The following CACNA2D1 variants were observed in gnomAD, a reference collection of about 807,000 sequenced individuals.
CACNA2D1 encodes calcium voltage-gated channel auxiliary subunit alpha2delta 1.
Under a neutral mutation model 171.5 loss-of-function variants are expected in CACNA2D1, and 53 were observed. That is an observed-to-expected ratio of 0.31 (90% confidence interval 0.25 to 0.39). The LOEUF is 0.39. Ranked by LOEUF, CACNA2D1 falls within the 10% of genes least tolerant of loss-of-function variation. The probability of loss-of-function intolerance (pLI) is 1.00; values close to 1 mark genes in which losing one functional copy is unlikely to be tolerated. For missense variants in CACNA2D1, 903 were observed against 1,299.8 expected (o/e 0.69, Z 4.69); for synonymous variants, 442 against 443.1 (o/e 1.00, Z 0.03).
intron 3 of CACNA2D1, among the ~76,000 whole-genome samples, chr7:82,276,181 T>C (rs1809295703): frequency 6.6e-6 from 1 of 152,242 alleles, no homozygotes; most frequent in Non-Finnish European, 1.5e-5. Flanking sequence ...TGGACACTTG[T>C]CACAGTTTTA....
At chr7:82,046,787 T>G (rs1354349473) in intron 10 of CACNA2D1, among the ~76,000 whole-genome samples, 2 of 152,112 alleles carry the variant, frequency 1.3e-5, no homozygotes, top group Admixed American at 1.3e-4. Context: ...TAAATGTAAA[T>G]CATCATTCAT....
intron 3 of CACNA2D1, among the ~76,000 whole-genome samples, chr7:82,296,913 T>C (rs780002629): frequency 6.6e-6 from 1 of 151,476 alleles, no homozygotes; most frequent in Admixed American, 6.6e-5. Context: ...AATGTCAGGG[T>C]TTAGGATACT....
In CACNA2D1 at chr7:82,005,915, T is replaced by C. The variant is rs181696791; in HGVS notation, c.1441-76A>G. ...TTTACACAATTATCATATGATCATC[T>C]TTTGCTTGCATTATGGTTATATTCC... On this transcript the variant is annotated intron_variant, in intron 16 of 38. Coordinates refer to ENST00000356860, the MANE Select transcript of CACNA2D1 (RefSeq NM_000722.4). 6.9e-5 allele frequency: 61 copies of C among 878,306 alleles called. No individual in the cohort carries two copies. In the African/African-American group the frequency reaches 8.7e-4, roughly 13 times the overall value. 54.4% of individuals were successfully genotyped at this position (878,306 alleles called of 1,614,324 possible).
intron 4 of CACNA2D1, among the ~76,000 whole-genome samples, chr7:82,150,229 C>T (rs1233155814): frequency 1.4e-5 from 2 of 146,018 alleles, no homozygotes; most frequent in African/African-American, 5.1e-5. Context: ...TTTGGTGTTT[C>T]CACTAACTGC....
At chr7:82,414,657 C>A (rs1240802156) in intron 1 of CACNA2D1, among the ~76,000 whole-genome samples, 1 of 152,186 alleles carries the variant, frequency 6.6e-6, no homozygotes, top group Non-Finnish European at 1.5e-5. Flanking sequence ...ATTCAGGCTA[C>A]AAGTGATTCT....
At chr7:82,011,918 C>G (rs1216728364) in intron 15 of CACNA2D1, 4 of 429,714 alleles carry the variant, frequency 9.3e-6, no homozygotes, top group Non-Finnish European at 1.7e-5. Flanking sequence ...ATTCTACATT[C>G]CCAATGAAGG....
rs576865706 is a variant in CACNA2D1, at chr7:82,015,566, T to C, written c.1144-1087A>G. Among the ~76,000 whole-genome samples the C allele has an allele frequency of 1.5e-4, 23 of 152,254 alleles. No homozygotes were observed. The East Asian group carries it at 3.7e-3, about 24-fold the overall frequency. On this transcript the variant is annotated intron_variant, in intron 12 of 38. Transcript: ENST00000356860. Reference sequence around the variant, plus strand: ...TACTTAATAAAATTATTTTTACATATATATTGATTTTTACTAATTTAGTAA... The same window carrying C: ...TACTTAATAAAATTATTTTTACATACATATTGATTTTTACTAATTTAGTAA...
chr7:81,992,753 T>C (rs1187660834), intron 20 of CACNA2D1, among the ~76,000 whole-genome samples: 1 of 152,194 alleles, frequency 6.6e-6, no homozygotes, highest in African/African-American at 2.4e-5. Context: ...AGTCAAGAAA[T>C]CTATTTTTCA....
At chr7:82,228,343 G>C (rs1371051688) in intron 3 of CACNA2D1, among the ~76,000 whole-genome samples, 1 of 152,096 alleles carries the variant, frequency 6.6e-6, no homozygotes, top group African/African-American at 2.4e-5. Flanking sequence ...GCTGCCTGGT[G>C]AGACCTTGAG....
At chr7:82,094,968 A>G (rs1563038833) in intron 6 of CACNA2D1, among the ~76,000 whole-genome samples, 2 of 152,084 alleles carry the variant, frequency 1.3e-5, no homozygotes, top group African/African-American at 4.8e-5. Flanking sequence ...TCTACTTGGC[A>G]AATGTCTTCC....
At chr7:82,199,715 A>G (rs1440636032) in intron 3 of CACNA2D1, among the ~76,000 whole-genome samples, 4 of 152,046 alleles carry the variant, frequency 2.6e-5, no homozygotes, top group Admixed American at 2.0e-4. Flanking sequence ...CTACTCATAG[A>G]TATATAACCT....
At chr7:82,148,187 T>C (rs1412451911) in intron 4 of CACNA2D1, among the ~76,000 whole-genome samples, 1 of 152,160 alleles carries the variant, frequency 6.6e-6, no homozygotes, top group Non-Finnish European at 1.5e-5. Flanking sequence ...TCAGCTCGGA[T>C]AGTGCATTAT....
At chr7:82,423,271 C>A (rs1828886081) in intron 1 of CACNA2D1, among the ~76,000 whole-genome samples, 1 of 152,064 alleles carries the variant, frequency 6.6e-6, no homozygotes, top group Non-Finnish European at 1.5e-5. Context: ...CCCAGGCATG[C>A]ATTAATGTTT....
chr7:82,178,502 G>C (rs1161458887), intron 3 of CACNA2D1, among the ~76,000 whole-genome samples: 4 of 152,004 alleles, frequency 2.6e-5, no homozygotes, highest in African/African-American at 9.7e-5. Context: ...TGAACTTGTT[G>C]AACACACCTG....
intron 1 of CACNA2D1, among the ~76,000 whole-genome samples, chr7:82,430,053 A>C (rs1429702407): frequency 6.6e-6 from 1 of 152,172 alleles, no homozygotes; most frequent in Middle Eastern, 3.2e-3. Flanking sequence ...GGTATTTTTA[A>C]AGTGACAAAC....
intron 4 of CACNA2D1, among the ~76,000 whole-genome samples, chr7:82,162,157 T>C (rs1231397887): frequency 2.0e-5 from 3 of 152,014 alleles, no homozygotes; most frequent in Non-Finnish European, 2.9e-5. Context: ...ATAGATGAAA[T>C]TTAAAGTCAA....
rs1473673956 is a variant in CACNA2D1, at chr7:82,150,279, C to CAAAA, written c.355-13604_355-13603insTTTT. Among the ~76,000 whole-genome samples the CAAAA allele has an allele frequency of 8.0e-5, 5 of 62,838 alleles. 1 individual carries two copies. Among genetic ancestry groups the CAAAA allele is most frequent in the Non-Finnish European group, 1.4e-4 (5 of 36,712 alleles). 41.2% of individuals were successfully genotyped at this position (62,838 alleles called of 152,430 possible). ...AATTAAAAAAAAAAAACAAAAACAA[C>CAAAA]AACAAAAAAAAACACCCTAGTAGCT... On this transcript the variant is annotated intron_variant, in intron 4 of 38. Coordinates refer to ENST00000356860, the MANE Select transcript of CACNA2D1 (RefSeq NM_000722.4).
At chr7:82,348,376 T>C (rs1335869071) in intron 2 of CACNA2D1, among the ~76,000 whole-genome samples, 2 of 152,146 alleles carry the variant, frequency 1.3e-5, no homozygotes, top group African/African-American at 4.8e-5. Flanking sequence ...AATCGAGATT[T>C]TTTTTTTATC....
intron 38 of CACNA2D1, among the ~76,000 whole-genome samples, chr7:81,955,217 C>A (rs1558369): frequency 0.43 from 65,166 of 151,774 alleles, 14,222 homozygotes; most frequent in East Asian, 0.52. Flanking sequence ...CGGACTCTAC[C>A]GGGTATAAGG....
Sources: allele counts gnomAD v4.1 joint callset (sites outside exome capture counted in the v4.1 genomes callset), GRCh38; gene constraint gnomAD v4.1.1; transcripts MANE v1.5; gene names NCBI Gene and HGNC (gene_info 2026-07-23, HGNC 2026-07-21).